The following MGA variants were observed in gnomAD, a reference collection of about 807,000 sequenced individuals.
MGA encodes MAX dimerization protein MGA.
MGA carries 40 observed loss-of-function variants against 261.1 expected under a neutral mutation model. That is an observed-to-expected ratio of 0.15 (90% CI 0.12 to 0.20). The LOEUF (loss-of-function observed/expected upper bound fraction) is 0.20. MGA is among the 10% of genes least tolerant of loss of function. The pLI, the probability that MGA is intolerant of heterozygous loss-of-function variation, is 1.00. For missense variants in MGA, 3,397 were observed against 3,630.5 expected (o/e 0.94, Z 1.65); for synonymous variants, 1,302 against 1,290.6 (o/e 1.01, Z -0.19).
At position 41,729,279 on chromosome 15, in the gene MGA, C is replaced by G. The variant is rs918177837; in HGVS notation, c.3773C>G (p.Ser1258Cys). ...GACCAGAGACAACCATCTTCCTCCT[C>G]CTCCCCATCTCCATCATTTCAGCAG... Residue 1258 changes from serine to cysteine, a missense_variant, in exon 11 of 24, where the codon TCC becomes TGC. Transcript: ENST00000219905. The G allele has an allele frequency of 2.5e-6, 4 of 1,613,912 alleles. No individual in the cohort carries two copies. Among genetic ancestry groups the G allele is most frequent in the Non-Finnish European group, 3.4e-6 (4 of 1,179,864 alleles).
At chr15:41,693,173 T>A (rs1035954678) in intron 2 of MGA, among the ~76,000 whole-genome samples, 7 of 152,024 alleles carry the variant, frequency 4.6e-5, no homozygotes, top group Non-Finnish European at 7.4e-5. Flanking sequence ...TTATTATTAT[T>A]ATACTTGAAG....
chr15:41,690,010 C>G (rs901126601), intron 2 of MGA, among the ~76,000 whole-genome samples: 2 of 152,102 alleles, frequency 1.3e-5, no homozygotes, highest in Non-Finnish European at 2.9e-5. Flanking sequence ...ATTGCACAAC[C>G]GTTACTTCAG....
At chr15:41,731,796 T>C (rs1255165720) in intron 11 of MGA, among the ~76,000 whole-genome samples, 1 of 152,196 alleles carries the variant, frequency 6.6e-6, no homozygotes, top group African/African-American at 2.4e-5. Flanking sequence ...TTTTAAGAAA[T>C]GGGATTAGGC....
At chr15:41,629,006 G>A (rs1451610226) in intron 1 of MGA, among the ~76,000 whole-genome samples, 4 of 151,614 alleles carry the variant, frequency 2.6e-5, no homozygotes, top group African/African-American at 2.4e-5. Context: ...GCTGGCCATG[G>A]TGGCGGGCGC....
chr15:41,713,481 A>G lies in MGA; in HGVS notation c.3415A>G (p.Lys1139Glu), dbSNP rs1422168680. ...ACAATTGAAAGAGAAAAAGAAGAGA[A>G]AGAAGCTAGAATACAGTGAGTATTA... is the stretch of plus-strand genomic sequence containing the variant. Residue 1139 changes from lysine to glutamate, a missense_variant, in exon 9 of 24, where the codon AAG becomes GAG. Around this residue, in one of 9 missense-constraint regions of MGA, gnomAD observed 519 missense variants for 554.1 expected, o/e 0.94. Transcript: ENST00000219905. 1.9e-6 allele frequency: 3 copies of G among 1,546,184 alleles called. No homozygotes were observed. In the East Asian group the frequency reaches 7.3e-5, roughly 38 times the overall value.
At position 41,742,760 on chromosome 15, in the gene MGA, C is replaced by T; in HGVS notation, c.4800C>T (p.Thr1600=). The T allele has an allele frequency of 6.2e-7, 1 of 1,613,954 alleles. No homozygotes were observed. The highest frequency in any genetic ancestry group is 8.5e-7 in the Non-Finnish European group (1 of 1,179,864). ...CTGTGACTGCTGCTGTCACTACTAC[C>T]ACCCCTCAAGTGTTTTTAGAAAATA... The change falls in exon 15 of 24, where the codon ACC becomes ACT. Residue 1600 remains threonine (T), a synonymous_variant. Coordinates refer to ENST00000219905, the MANE Select transcript of MGA (RefSeq NM_001164273.2).
At chr15:41,689,325 A>C (rs1281747482) in intron 2 of MGA, among the ~76,000 whole-genome samples, 90 of 111,454 alleles carry the variant, frequency 8.1e-4, no homozygotes, top group Non-Finnish European at 9.3e-4. Context: ...TTCTCTCCCT[A>C]CCTCTCTCCC....
At chr15:41,687,598 G>A (rs895943945) in intron 2 of MGA, among the ~76,000 whole-genome samples, 3 of 152,112 alleles carry the variant, frequency 2.0e-5, no homozygotes, top group Non-Finnish European at 4.4e-5. Context: ...TGACTCTTGA[G>A]CACTACTTTA....
chr15:41,751,148 A>G (rs1402277053), intron 17 of MGA: 1 of 152,200 alleles, frequency 6.6e-6, no homozygotes, highest in East Asian at 1.9e-4. Flanking sequence ...TAGTCTCTGG[A>G]ATTTATATTC....
rs989439106 is a variant in MGA at position 41,637,901 on chromosome 15, C to CGGT, written c.-68+16603_-68+16604insGGT. Reference sequence around the variant, plus strand: ...CTGGGATTACAGGTGCCTGCCACCCCATCTGGCTAATTTTTGTATTTTTAG... The same window carrying CGGT: ...CTGGGATTACAGGTGCCTGCCACCCCGGTATCTGGCTAATTTTTGTATTTTTAG... On this transcript the variant is annotated intron_variant, in intron 1 of 8. Transcript: ENST00000566718. Among the ~76,000 whole-genome samples the CGGT allele has an allele frequency of 5.9e-5, 9 of 151,792 alleles. No homozygotes were observed. The South Asian group carries it at 8.3e-4, about 14-fold the overall frequency.
chr15:41,628,612 A>G (rs2056515823), intron 1 of MGA, among the ~76,000 whole-genome samples: 1 of 152,116 alleles, frequency 6.6e-6, no homozygotes, highest in Admixed American at 6.6e-5. Context: ...AAGGAATTAC[A>G]AGAAGGCTAG....
At chr15:41,699,629 G>A (rs538182047) in intron 5 of MGA, among the ~76,000 whole-genome samples, 1 of 152,324 alleles carries the variant, frequency 6.6e-6, no homozygotes, top group South Asian at 2.1e-4. Flanking sequence ...AGCCTCCCAA[G>A]TAGCTGGGAC....
chr15:41,656,513 T>G (rs892696727), upstream of MGA, among the ~76,000 whole-genome samples: 2 of 149,290 alleles, frequency 1.3e-5, no homozygotes, highest in Non-Finnish European at 3.0e-5. Context: ...AGCTATTTAT[T>G]TTTATTTTTA....
In MGA at chr15:41,767,409, T is replaced by C; in HGVS notation, c.*129T>C. 1.0e-6 allele frequency: 1 copy of C among 970,744 alleles called. No homozygotes were observed. Among genetic ancestry groups the C allele is most frequent in the East Asian group, 2.4e-5 (1 of 41,142 alleles). The allele number at this position is 970,744 out of a possible 1,614,324, so 60.1% of individuals were successfully genotyped here. A position where few individuals can be genotyped will look rare whatever the true frequency, so the allele number is the denominator to read the frequency against. ...ACTTCAATGATGCAGTGGATAATGA[T>C]GGGAGAAAGGGGGTAGGGTGCTGAC... is the stretch of plus-strand genomic sequence containing the variant. On this transcript the variant is annotated 3_prime_UTR_variant, in exon 24 of 24. Transcript: ENST00000219905.
intron 22 of MGA, 96 bp downstream of exon 22, chr15:41,762,458 GTGGTTTTT>G: frequency 4.7e-6 from 1 of 214,124 alleles, no homozygotes; most frequent in African/African-American, 4.3e-5. Context: ...TTAGTTTTGT[GTGGTTTTT>G]TTTTTTTTTT....
At chr15:41,748,980 G>A in intron 16 of MGA, 53 bp downstream of exon 16, 3 of 1,583,804 alleles carry the variant, frequency 1.9e-6, no homozygotes, top group South Asian at 2.3e-5. Context: ...TTGGCCATAT[G>A]GTATGTTAAT....
chr15:41,757,766 G>A (rs2063228350), intron 18 of MGA, 22 bp from the exon 19 acceptor site: 1 of 1,596,384 alleles, frequency 6.3e-7, no homozygotes, highest in Non-Finnish European at 8.6e-7. Flanking sequence ...GTAAGACACT[G>A]AAAAATCCTG....
chr15:41,703,974 A>AT (rs891754398), intron 5 of MGA, among the ~76,000 whole-genome samples: 7 of 151,556 alleles, frequency 4.6e-5, no homozygotes, highest in South Asian at 2.1e-4. Flanking sequence ...CACCTGGCTA[A>AT]TTTTTTTTGG....
At chr15:41,717,215 C>T (rs1373192462) in intron 9 of MGA, among the ~76,000 whole-genome samples, 1 of 152,126 alleles carries the variant, frequency 6.6e-6, no homozygotes, top group Non-Finnish European at 1.5e-5. Context: ...TTACTTTTAT[C>T]ACCTGCTTAT....
Sources: gnomAD v4.1 joint callset for allele counts (sites outside exome capture counted in the v4.1 genomes callset) on GRCh38, gnomAD v4.1.1 for gene constraint, gnomAD v4.1.1 regional missense constraint, MANE v1.5 for transcripts, NCBI Gene and HGNC (gene_info 2026-07-23, HGNC 2026-07-21) for gene names.